ZNF185: variants seen among roughly 807,000 people sequenced by gnomAD.
The protein encoded by ZNF185 is zinc finger protein 185 with LIM domain, also known as zinc finger protein 185.
A neutral mutation model predicts 58.6 loss-of-function variants in ZNF185; 56 were observed. The observed-to-expected ratio is 0.95, with a 90% CI of 0.77 to 1.19. ZNF185 has a LOEUF of 1.19. Ranked by LOEUF, ZNF185 falls within the 50% of genes most tolerant of loss-of-function variation. ZNF185 has a pLI of 0.00. For synonymous variants in ZNF185, 230 were observed against 215.9 expected (o/e 1.07, Z -0.57); for missense variants, 627 against 573.5 (o/e 1.09, Z -0.95).
chrX:152,926,834 C>T (rs1248082275), intron 11 of ZNF185, among the ~76,000 whole-genome samples: 2 of 112,654 alleles, frequency 1.8e-5, no homozygotes, highest in Non-Finnish European at 3.7e-5. Flanking sequence ...ATTCTGGAGG[C>T]TGGAAGTCTG....
chrX:152,907,408 A>G, the ZNF185 span, among the ~76,000 whole-genome samples: 1 of 113,038 alleles, frequency 8.8e-6, no homozygotes, highest in Admixed American at 9.3e-5. Flanking sequence ...TTGCTGGGCA[A>G]CCTTCAGAGG....
chrX:152,944,319 G>A (rs2047554450), intron 15 of ZNF185, among the ~76,000 whole-genome samples: 1 of 112,667 alleles, frequency 8.9e-6, no homozygotes, highest in Non-Finnish European at 1.9e-5. Context: ...TTTGTAGCGT[G>A]TTCTTGTCTC....
At chrX:152,911,986 C>CCCATCCCAT (rs1209286391), upstream of ZNF185, among the ~76,000 whole-genome samples, 4 of 102,217 alleles carry the variant, frequency 3.9e-5, no homozygotes, top group Non-Finnish European at 6.0e-5. Flanking sequence ...ATCCGTCTAT[C>CCCATCCCAT]CCATCCCATC....
chrX:152,920,782 T>C, intron 9 of ZNF185, 34 bp downstream of exon 10: 1 of 1,206,009 alleles, frequency 8.3e-7, no homozygotes, highest in African/African-American at 1.7e-5. Flanking sequence ...TGGAGGCCTG[T>C]TACTGGCCAC....
chrX:152,930,476 G>A (rs1171663374), intron 12 of ZNF185, among the ~76,000 whole-genome samples: 1 of 111,799 alleles, frequency 8.9e-6, no homozygotes, highest in African/African-American at 3.3e-5. Flanking sequence ...TCAGTATGCA[G>A]GTGGCAGCCA....
the ZNF185 span, among the ~76,000 whole-genome samples, chrX:152,909,048 G>A: frequency 2.3e-4 from 26 of 113,073 alleles, no homozygotes; most frequent in African/African-American, 8.0e-4. Context: ...TCTTCTGGCC[G>A]CTTTGCTGGG....
intron 21 of ZNF185, 64 bp downstream of exon 23, chrX:152,969,548 C>T (rs1484848265): frequency 1.1e-6 from 1 of 921,338 alleles, no homozygotes; most frequent in Non-Finnish European, 1.5e-6. Context: ...CTGCTAAGAA[C>T]GTTTTGTAGA....
chrX:152,900,279 C>A, the ZNF185 span, among the ~76,000 whole-genome samples: 1 of 112,749 alleles, frequency 8.9e-6, no homozygotes, highest in Non-Finnish European at 1.9e-5. Context: ...GCATGCCAAG[C>A]AAACTCCCCC....
chrX:152,952,506 T>TACAG, intron 16 of ZNF185, among the ~76,000 whole-genome samples: 1 of 112,206 alleles, frequency 8.9e-6, no homozygotes, highest in East Asian at 2.8e-4. Context: ...ATACTAAACA[T>TACAG]ACAGACAGAC....
chrX:152,962,535 T>C (rs782434444), intron 17 of ZNF185, among the ~76,000 whole-genome samples: 2 of 112,180 alleles, frequency 1.8e-5, no homozygotes, highest in Non-Finnish European at 3.8e-5. Context: ...TCAATCCTTT[T>C]CTCACTTGTT....
At chrX:152,958,421 A>G (rs1278344481) in intron 16 of ZNF185, among the ~76,000 whole-genome samples, 2 of 111,089 alleles carry the variant, frequency 1.8e-5, no homozygotes, top group African/African-American at 6.6e-5. Context: ...GACTACTATT[A>G]GTTGCAAATT....
chrX:152,932,823 T>C, intron 13 of ZNF185, 50 bp from the exon 15 acceptor site: 2 of 915,359 alleles, frequency 2.2e-6, no homozygotes, highest in Non-Finnish European at 3.1e-6. Flanking sequence ...CTGGGTTAGA[T>C]GAGATCAAAA....
At chrX:152,938,506 C>G (rs782108198) in intron 15 of ZNF185, among the ~76,000 whole-genome samples, 2 of 111,777 alleles carry the variant, frequency 1.8e-5, no homozygotes, top group African/African-American at 3.3e-5. Flanking sequence ...TGGGCAAAGG[C>G]TGGTCCAGAT....
rs1472937898 is a variant in ZNF185 at position 152,936,607 on chromosome X, G to A, written c.1122-1467G>A. On this transcript the variant is annotated intron_variant, in intron 14 of 22. Coordinates refer to ENST00000449285, the Ensembl canonical transcript of ZNF185. ...GCTGCAGCACCCCAGGATCCCCCTCGAACTTCTCAGCTCCATGCCACTTTC... is the reference window on the plus strand; with the variant it reads ...GCTGCAGCACCCCAGGATCCCCCTCAAACTTCTCAGCTCCATGCCACTTTC... 5 of 761,267 alleles carry A rather than the reference G, an allele frequency of 6.6e-6. No individual in the cohort carries two copies. The South Asian group carries it at 7.3e-5, about 11-fold the overall frequency. 62.7% of individuals were successfully genotyped at this position (761,267 alleles called of 1,213,427 possible).
intron 16 of ZNF185, 70 bp downstream of exon 18, chrX:152,945,534 G>C (rs2047698731): frequency 1.2e-5 from 13 of 1,079,877 alleles, no homozygotes; most frequent in Non-Finnish European, 1.5e-5. Flanking sequence ...GACCCACATG[G>C]GAACCACTTC....
At chrX:152,934,274 T>G (rs782026145) in intron 14 of ZNF185, among the ~76,000 whole-genome samples, 1 of 112,241 alleles carries the variant, frequency 8.9e-6, no homozygotes, top group African/African-American at 3.2e-5. Context: ...CTCCCCACAG[T>G]GGTGCAGCTT....
At chrX:152,964,562 G>T (rs2049914321) in intron 18 of ZNF185, among the ~76,000 whole-genome samples, 1 of 112,003 alleles carries the variant, frequency 8.9e-6, no homozygotes, top group African/African-American at 3.3e-5. Context: ...TCACTAAGGG[G>T]ATGGTGCTAG....
upstream of ZNF185, among the ~76,000 whole-genome samples, chrX:152,911,654 A>ATCCCATCCCATCCC (rs1471697684): frequency 1.5e-4 from 4 of 27,416 alleles, no homozygotes; most frequent in African/African-American, 6.2e-4. Flanking sequence ...ATCCCATCCC[A>ATCCCATCCCATCCC]TCCCATCCCA....
chrX:152,899,832 C>T, the ZNF185 span, among the ~76,000 whole-genome samples: 160 of 111,800 alleles, frequency 1.4e-3, no homozygotes, highest in African/African-American at 4.5e-3. Context: ...AAGGCCCGCA[C>T]GTCCTTTGGA....
Sources: gnomAD v4.1 joint callset for allele counts (sites outside exome capture counted in the v4.1 genomes callset) on GRCh38, gnomAD v4.1.1 for gene constraint, MANE v1.5 for transcripts, NCBI Gene and HGNC (gene_info 2026-07-23, HGNC 2026-07-21) for gene names.